The following DIP2B variants were observed in gnomAD, a reference collection of about 807,000 sequenced individuals.
DIP2B encodes disco-interacting protein 2 homolog B.
A neutral mutation model predicts 198.0 loss-of-function variants in DIP2B; 76 were observed. The observed-to-expected ratio is 0.38, with a 90% CI of 0.32 to 0.46. The LOEUF (loss-of-function observed/expected upper bound fraction) is 0.46. Among genes scored for constraint, DIP2B ranks in the 20% least tolerant of loss-of-function variants. The probability of loss-of-function intolerance (pLI) is 0.99; values close to 1 mark genes in which losing one functional copy is unlikely to be tolerated. For synonymous variants in DIP2B, 701 were observed against 739.1 expected (o/e 0.95, Z 0.84); for missense variants, 1,559 against 1,978.4 (o/e 0.79, Z 4.02).
At chr12:50,684,757 A>G (rs1939105664) in intron 10 of DIP2B, among the ~76,000 whole-genome samples, 1 of 152,130 alleles carries the variant, frequency 6.6e-6, no homozygotes, top group Non-Finnish European at 1.5e-5. Context: ...GCGCCACTGT[A>G]TACCAGCCTG....
intron 2 of DIP2B, among the ~76,000 whole-genome samples, chr12:50,629,137 C>T (rs985066702): frequency 2.0e-5 from 3 of 152,198 alleles, no homozygotes; most frequent in African/African-American, 7.2e-5. Flanking sequence ...CCGTCTCGGC[C>T]TCCCAAAGTG....
chr12:50,535,561 G>A (rs977327622), intron 1 of DIP2B, among the ~76,000 whole-genome samples: 1 of 151,706 alleles, frequency 6.6e-6, no homozygotes, highest in African/African-American at 2.4e-5. Context: ...AGTAGAGATG[G>A]CGTTTCACCA....
chr12:50,621,108 G>A (rs1440049098), intron 1 of DIP2B, among the ~76,000 whole-genome samples: 1 of 152,232 alleles, frequency 6.6e-6, no homozygotes, highest in Non-Finnish European at 1.5e-5. Context: ...TTGCTTTAGT[G>A]CAGCAAAATC....
intron 34 of DIP2B, among the ~76,000 whole-genome samples, chr12:50,735,856 A>C (rs1356383755): frequency 6.6e-6 from 1 of 152,234 alleles, no homozygotes; most frequent in Non-Finnish European, 1.5e-5. Context: ...ATGCATTTAA[A>C]GTTGAAAGGA....
chr12:50,748,564 A>T lies in DIP2B; in HGVS notation c.*3725A>T, dbSNP rs1318685303. On this transcript the variant is annotated 3_prime_UTR_variant, in exon 38 of 38. Coordinates refer to ENST00000301180, the MANE Select transcript of DIP2B (RefSeq NM_173602.3). ...TTATTTATTTGAAGTTAGACTAGAT[A>T]TACGTTTTTAAATTTAACATCTGGC... 1 of 152,694 alleles carries T rather than the reference A, an allele frequency of 6.5e-6. No homozygotes were observed. The highest frequency in any genetic ancestry group is 1.5e-5 in the Non-Finnish European group (1 of 68,046). The allele number at this position is 152,694 out of a possible 1,614,324, so 9.5% of individuals were successfully genotyped here.
chr12:50,680,245 G>A (rs1432426950), intron 8 of DIP2B: 1 of 124,360 alleles, frequency 8.0e-6, no homozygotes. Context: ...GGGCGACAGA[G>A]TGAGACTCTG....
chr12:50,568,474 C>T (rs543238924), intron 1 of DIP2B, among the ~76,000 whole-genome samples: 28 of 152,300 alleles, frequency 1.8e-4, no homozygotes, highest in African/African-American at 6.5e-4. Flanking sequence ...TCTTTCAGCC[C>T]TCTGAGCAGT....
At chr12:50,696,793 T>C (rs955558719) in intron 16 of DIP2B, among the ~76,000 whole-genome samples, 3 of 152,236 alleles carry the variant, frequency 2.0e-5, no homozygotes, top group African/African-American at 7.2e-5. Context: ...TCTCTGATAC[T>C]GATTTGTCAG....
At chr12:50,577,050 T>A (rs1308788729) in intron 1 of DIP2B, among the ~76,000 whole-genome samples, 2 of 152,058 alleles carry the variant, frequency 1.3e-5, no homozygotes, top group African/African-American at 4.8e-5. Flanking sequence ...TTCACCATGT[T>A]GGCCAGGCTG....
Position 50,747,474 on chromosome 12 carries a change from C to T in DIP2B, c.*2635C>T, listed in dbSNP as rs965502832. 1 of 152,242 alleles carries T rather than the reference C, an allele frequency of 6.6e-6. No homozygotes were observed. The highest frequency in any genetic ancestry group is 6.5e-5 in the Admixed American group (1 of 15,288). 9.4% of individuals were successfully genotyped at this position (152,242 alleles called of 1,614,324 possible). ...TTCATCAGTAACTCTGGTAAAGCAT[C>T]CTGTGGAGGGAGAGGAGAGCCCAGT... On this transcript the variant is annotated 3_prime_UTR_variant, in exon 38 of 38. Coordinates refer to ENST00000301180, the MANE Select transcript of DIP2B (RefSeq NM_173602.3).
At chr12:50,654,477 C>G (rs1028631069) in intron 3 of DIP2B, among the ~76,000 whole-genome samples, 12 of 151,830 alleles carry the variant, frequency 7.9e-5, no homozygotes, top group African/African-American at 2.7e-4. Flanking sequence ...GCCTCAGCCT[C>G]CTGAGTAGCT....
intron 1 of DIP2B, among the ~76,000 whole-genome samples, chr12:50,579,825 A>G (rs1958707905): frequency 6.7e-6 from 1 of 150,224 alleles, no homozygotes; most frequent in Non-Finnish European, 1.5e-5. Flanking sequence ...ACTCAACTGT[A>G]TTTCCTTCTC....
chr12:50,725,163 C>T (rs553553849), intron 28 of DIP2B, among the ~76,000 whole-genome samples: 17 of 152,276 alleles, frequency 1.1e-4, no homozygotes, highest in Non-Finnish European at 1.9e-4. Context: ...CTACATGTGA[C>T]TATGTACATG....
At chr12:50,664,989 C>T (rs1938725736) in intron 4 of DIP2B, among the ~76,000 whole-genome samples, 1 of 151,760 alleles carries the variant, frequency 6.6e-6, no homozygotes, top group Non-Finnish European at 1.5e-5. Context: ...GCTGGAACTG[C>T]AGGTGCATGC....
intron 1 of DIP2B, among the ~76,000 whole-genome samples, chr12:50,507,359 G>A (rs1957976891): frequency 6.6e-6 from 1 of 152,166 alleles, no homozygotes; most frequent in African/African-American, 2.4e-5. Context: ...GGGATGGTTG[G>A]CTGGAGAAGT....
chr12:50,626,439 G>A (rs930369935), intron 2 of DIP2B, among the ~76,000 whole-genome samples: 14 of 152,182 alleles, frequency 9.2e-5, no homozygotes, highest in Non-Finnish European at 1.8e-4. Flanking sequence ...CAATACTTGA[G>A]GATTGGGGGG....
At chr12:50,606,235 C>G (rs572979658) in intron 1 of DIP2B, among the ~76,000 whole-genome samples, 3 of 152,278 alleles carry the variant, frequency 2.0e-5, no homozygotes, top group African/African-American at 7.2e-5. Flanking sequence ...ATCTTCCCAC[C>G]TCAGCCTTTT....
In DIP2B at chr12:50,685,969, G is replaced by A. The variant is rs1939123605; in HGVS notation, c.1441+13G>A. ...GTACAGTTTAAAGGTTAGTAACATT[G>A]TACCTGAATTATCAGTTAAAAGTTA... On this transcript the variant is annotated intron_variant, in intron 11 of 37. Transcript: ENST00000301180. 5 of 1,606,388 alleles carry A rather than the reference G, an allele frequency of 3.1e-6. No homozygotes were observed. The highest frequency in any genetic ancestry group is 3.4e-6 in the Non-Finnish European group (4 of 1,177,256).
rs1399551427 is a variant in DIP2B, at chr12:50,708,579, G to T, written c.2649+17G>T. ...GTGCTGCAGGTGAGCACACTTTGGG[G>T]TCTGTGTCAGGTCAGCGGTGGCAGC... On this transcript the variant is annotated intron_variant, in intron 22 of 37. Transcript: ENST00000301180. 1.3e-6 allele frequency: 2 copies of T among 1,569,254 alleles called. No individual in the cohort carries two copies. Among genetic ancestry groups the T allele is most frequent in the South Asian group, 2.3e-5 (2 of 85,828 alleles).
Sources: gnomAD v4.1 joint callset for allele counts (sites outside exome capture counted in the v4.1 genomes callset) on GRCh38, gnomAD v4.1.1 for gene constraint, MANE v1.5 for transcripts, NCBI Gene and HGNC (gene_info 2026-07-23, HGNC 2026-07-21) for gene names.